ITGB4: variants seen among roughly 807,000 people sequenced by gnomAD.
The protein encoded by ITGB4 is integrin beta-4.
Under a neutral mutation model 207.6 loss-of-function variants are expected in ITGB4, and 159 were observed. That is an observed-to-expected ratio of 0.77 (90% CI 0.67 to 0.87). The LOEUF is 0.87. ITGB4 is among the 40% of genes least tolerant of loss of function. The pLI is 0.00. For missense variants in ITGB4, 2,278 were observed against 2,546.8 expected (o/e 0.89, Z 2.27); for synonymous variants, 1,020 against 1,062.7 (o/e 0.96, Z 0.78).
rs1426446304 is a variant in ITGB4, at chr17:75,752,997, C to CCAGCA, written c.4108+423_4108+427dup. ...CAGCTCTGTCCTTCCTCCTTGATTC[C>CCAGCA]CAGCACAAAGTGCTGCGGAGCCCTT... On this transcript the variant is annotated intron_variant, in intron 32 of 39. Coordinates refer to ENST00000200181, the MANE Select transcript of ITGB4 (RefSeq NM_000213.5). 3.3e-5 allele frequency among the ~76,000 whole-genome samples: 5 copies of CCAGCA among 152,334 alleles called. No individual in the cohort carries two copies. In the East Asian group the frequency reaches 9.6e-4, roughly 29 times the overall value.
chr17:75,727,228 G>T lies in ITGB4; in HGVS notation c.113G>T (p.Cys38Phe), dbSNP rs752230205. 2 of 1,614,068 alleles carry T rather than the reference G, an allele frequency of 1.2e-6. No homozygotes were observed. The highest frequency in any genetic ancestry group is 2.2e-5 in the East Asian group (1 of 44,876). The change falls in exon 3 of 40, where the codon TGC (cysteine) becomes TTC (phenylalanine). Residue 38 changes from cysteine to phenylalanine, a missense_variant. Physicochemically the swap from Cys to Phe is radical, Grantham distance 205. Transcript: ENST00000200181. This position sits in a 1 kb window ranked among gnomAD's most constrained non-coding sequence, Gnocchi z 6.0. ...NRCKKAPVKS[C>F]TECVRVDKDC... ...TGCAAGAAGGCCCCAGTGAAGAGCT[G>T]CACGGAGTGTGTCCGTGTGGATAAG...
In ITGB4 at chr17:75,722,103, G is replaced by A. The variant is rs1250024617; in HGVS notation, c.-11+491G>A. Among the ~76,000 whole-genome samples, 1 of 152,220 alleles carries A rather than the reference G, an allele frequency of 6.6e-6. No individual in the cohort carries two copies. The highest frequency in any genetic ancestry group is 1.5e-5 in the Non-Finnish European group (1 of 68,040). On this transcript the variant is annotated intron_variant, in intron 1 of 39. Coordinates refer to ENST00000200181, the MANE Select transcript of ITGB4 (RefSeq NM_000213.5). This position sits in a 1 kb window ranked among gnomAD's most constrained non-coding sequence, Gnocchi z 6.2. ...GCTCCAGGCAGGGCTTGCTCTATGC[G>A]GTGCCACAGTCCATCTGGGGCTGGG...
chr17:75,740,766 G>C lies in ITGB4; in HGVS notation c.2551-27G>C, dbSNP rs370638196. ...CTTGCCACGGGGTGGCCTAGGCCCA[G>C]CCTCACGCCCCTCCCTTGCCTGGCA... On this transcript the variant is annotated intron_variant, in intron 21 of 39. Transcript: ENST00000200181. This position sits in a 1 kb window ranked among gnomAD's most constrained non-coding sequence, Gnocchi z 5.9. 4 of 1,611,906 alleles carry C rather than the reference G, an allele frequency of 2.5e-6. No individual in the cohort carries two copies. The African/African-American group carries it at 4.0e-5, about 16-fold the overall frequency.
chr17:75,723,074 C>T (rs1352636148), intron 1 of ITGB4, among the ~76,000 whole-genome samples: 1 of 152,232 alleles, frequency 6.6e-6, no homozygotes, highest in Admixed American at 6.5e-5. Context: ...GCCTCGCCAA[C>T]CCTCTAACTG....
At position 75,750,072 on chromosome 17, in the gene ITGB4, G is replaced by A; in HGVS notation, c.3317-39G>A. ...TCTGGCGCCCCCTGGTGGTGAAGGG[G>A]GATCTGAGTGGTTGCCCGGCCCCAA... is the stretch of plus-strand genomic sequence containing the variant. On this transcript the variant is annotated intron_variant, in intron 27 of 39. Coordinates refer to ENST00000200181, the MANE Select transcript of ITGB4 (RefSeq NM_000213.5). This position sits in a 1 kb window ranked among gnomAD's most constrained non-coding sequence, Gnocchi z 5.5. The A allele has an allele frequency of 6.2e-7, 1 of 1,613,042 alleles. No individual in the cohort carries two copies. The highest frequency in any genetic ancestry group is 8.5e-7 in the Non-Finnish European group (1 of 1,179,802).
intron 34 of ITGB4, 122 bp downstream of exon 34, chr17:75,754,937 C>T (rs2061455566): frequency 6.7e-7 from 1 of 1,495,886 alleles, no homozygotes; most frequent in Non-Finnish European, 9.2e-7. Flanking sequence ...CACGCATGCA[C>T]ACATGCACGC....
intron 30 of ITGB4, chr17:75,751,604 G>C (rs777762948): frequency 8.6e-6 from 2 of 232,286 alleles, no homozygotes; most frequent in Non-Finnish European, 1.7e-5. Context: ...AGACAGGCAT[G>C]GTGGCTCATG....
chr17:75,740,713 C>T lies in ITGB4; in HGVS notation c.2551-80C>T. On this transcript the variant is annotated intron_variant, in intron 21 of 39. Transcript: ENST00000200181. This position sits in a 1 kb window ranked among gnomAD's most constrained non-coding sequence, Gnocchi z 5.9. ...GAGGATCTCTGGGTACAGAGGCTGC[C>T]TGGCTCCCTGGGTCCCCAGCCTGAG... The T allele has an allele frequency of 6.7e-7, 1 of 1,497,984 alleles. No individual in the cohort carries two copies. Among genetic ancestry groups the T allele is most frequent in the African/African-American group, 1.4e-5 (1 of 72,732 alleles). 92.8% of individuals were successfully genotyped at this position (1,497,984 alleles called of 1,614,324 possible).
In ITGB4 at chr17:75,739,722, G is replaced by T; in HGVS notation, c.2254+17G>T. The T allele has an allele frequency of 1.2e-6, 2 of 1,613,974 alleles. No individual in the cohort carries two copies. The highest frequency in any genetic ancestry group is 1.7e-6 in the Non-Finnish European group (2 of 1,179,932). On this transcript the variant is annotated intron_variant, in intron 19 of 39. Transcript: ENST00000200181. This position sits in a 1 kb window ranked among gnomAD's most constrained non-coding sequence, Gnocchi z 5.4. The stretch of plus-strand genomic sequence containing the variant: ...GCAACCGAGGTATGGGCCTGGCATC[G>T]CAGGGGCAGCAGGGGCTCTGACTGC...
At position 75,732,145 on chromosome 17, in the gene ITGB4, T is replaced by G. The variant is rs373717293; in HGVS notation, c.1378-18T>G. The stretch of plus-strand genomic sequence containing the variant: ...CCTGCTCCCCCGACGCACCCCACCA[T>G]GGTCTCTCTCATTCCAGCAAAAAGA... On this transcript the variant is annotated intron_variant, in intron 11 of 39. Coordinates refer to ENST00000200181, the MANE Select transcript of ITGB4 (RefSeq NM_000213.5). The surrounding 1 kb of genome is among the most constrained non-coding windows in gnomAD (Gnocchi z 5.3). 1.2e-6 allele frequency: 2 copies of G among 1,613,862 alleles called. No homozygotes were observed. The highest frequency in any genetic ancestry group is 1.7e-6 in the Non-Finnish European group (2 of 1,179,864).
rs763129009 is a variant in ITGB4, at chr17:75,727,691, C to G, written c.305C>G (p.Ser102Cys). 3 of 1,611,514 alleles carry G rather than the reference C, an allele frequency of 1.9e-6. No individual in the cohort carries two copies. Residue 102 changes from serine (S) to cysteine (C), a missense_variant, in exon 5 of 40, where the codon TCC becomes TGC. Physicochemically the swap from Ser to Cys is moderately radical, Grantham distance 112 (BLOSUM62 -1). Coordinates refer to ENST00000200181, the MANE Select transcript of ITGB4 (RefSeq NM_000213.5). This position sits in a 1 kb window ranked among gnomAD's most constrained non-coding sequence, Gnocchi z 6.0. ...ACCACCCTGCGGCGCAGCCAGATGT[C>G]CCCCCAAGGCCTGCGGGTCCGTCTG... is the stretch of plus-strand genomic sequence containing the variant. ...IDTTLRRSQMSPQGLRVRLRP... is the reference protein window; with the variant it reads ...IDTTLRRSQMCPQGLRVRLRP...
chr17:75,730,572 C>T, intron 8 of ITGB4, 68 bp downstream of exon 8: 1 of 1,484,278 alleles, frequency 6.7e-7, no homozygotes, highest in South Asian at 1.2e-5. Context: ...TCTCAGACAC[C>T]TCTCCCTCCC....
Position 75,731,455 on chromosome 17 carries a change from G to T in ITGB4, c.1215+87G>T. On this transcript the variant is annotated intron_variant, in intron 10 of 39. Coordinates refer to ENST00000200181, the MANE Select transcript of ITGB4 (RefSeq NM_000213.5). The surrounding 1 kb of genome is among the most constrained non-coding windows in gnomAD (Gnocchi z 6.8). ...CGTTTAAAACAGCGGTCAAGAGCGT[G>T]GCCCCTGGAGTCAGGCAGGCCTGGG... 7.3e-7 allele frequency: 1 copy of T among 1,377,178 alleles called. No individual in the cohort carries two copies. The highest frequency in any genetic ancestry group is 1.3e-5 in the South Asian group (1 of 78,506). The allele number at this position is 1,377,178 out of a possible 1,614,324, so 85.3% of individuals were successfully genotyped here. A position where few individuals can be genotyped will look rare whatever the true frequency, so the allele number is the denominator to read the frequency against.
intron 2 of ITGB4, among the ~76,000 whole-genome samples, chr17:75,725,266 C>T (rs575345817): frequency 5.3e-5 from 8 of 152,260 alleles, no homozygotes; most frequent in Non-Finnish European, 7.4e-5. Flanking sequence ...AATTGGCAAA[C>T]GCTACACGTC....
At position 75,740,187 on chromosome 17, in the gene ITGB4, C is replaced by A. The variant is rs1001194476; in HGVS notation, c.2446+116C>A. 13 of 1,272,298 alleles carry A rather than the reference C, an allele frequency of 1.0e-5. No individual in the cohort carries two copies. The highest frequency in any genetic ancestry group is 4.0e-5 in the South Asian group (3 of 74,208). The allele number at this position is 1,272,298 out of a possible 1,614,324, so 78.8% of individuals were successfully genotyped here. ...TGTGGGGTGCAGGCACAGGGCTCAG[C>A]CACCTTTTGCCCTGTGCTGATGGTG... On this transcript the variant is annotated intron_variant, in intron 20 of 39. Transcript: ENST00000200181. This position sits in a 1 kb window ranked among gnomAD's most constrained non-coding sequence, Gnocchi z 5.9.
At position 75,749,063 on chromosome 17, in the gene ITGB4, G is replaced by T. The variant is rs1033228522; in HGVS notation, c.3316+18G>T. ...GGACCCAGGTAGGCAGAGCCTGGGGGTCGGCTTAAGCAGGAGGAGAGGGAA... is the reference window on the plus strand; with the variant it reads ...GGACCCAGGTAGGCAGAGCCTGGGGTTCGGCTTAAGCAGGAGGAGAGGGAA... On this transcript the variant is annotated intron_variant, in intron 27 of 39. Coordinates refer to ENST00000200181, the MANE Select transcript of ITGB4 (RefSeq NM_000213.5). 5 of 1,599,254 alleles carry T rather than the reference G, an allele frequency of 3.1e-6. No individual in the cohort carries two copies. The South Asian group carries it at 3.3e-5, about 11-fold the overall frequency.
chr17:75,736,442 G>A (rs934478363), intron 15 of ITGB4, 56 bp downstream of exon 15: 1 of 1,609,018 alleles, frequency 6.2e-7, no homozygotes, highest in Admixed American at 1.7e-5. Context: ...ACAGGGCAGT[G>A]TGGGCAGGAG....
chr17:75,752,241 C>A lies in ITGB4; in HGVS notation c.3861C>A (p.Asn1287Lys), dbSNP rs145351926. The change falls in exon 31 of 40, where the codon AAC becomes AAA. Residue 1287 changes from asparagine (N) to lysine (K), a missense_variant. By Grantham distance (94) the Asn-to-Lys change is moderately conservative. Coordinates refer to ENST00000200181, the MANE Select transcript of ITGB4 (RefSeq NM_000213.5). Reference sequence around the variant, plus strand: ...AGAACCGGATGCTGCTTATTGAGAACCTTCGGGAGTCCCAGCCCTACCGCT... The same window carrying A: ...AGAACCGGATGCTGCTTATTGAGAAACTTCGGGAGTCCCAGCCCTACCGCT... ...NPKNRMLLIE[N>K]LRESQPYRYT... is the part of the protein sequence containing the mutation. 50 of 1,613,714 alleles carry A rather than the reference C, an allele frequency of 3.1e-5. No individual in the cohort carries two copies. Among genetic ancestry groups the A allele is most frequent in the South Asian group, 5.5e-5 (5 of 91,092 alleles).
In ITGB4 at chr17:75,742,612, G is replaced by T; in HGVS notation, c.2813G>T (p.Gly938Val). The T allele has an allele frequency of 6.2e-7, 1 of 1,614,016 alleles. No individual in the cohort carries two copies. The highest frequency in any genetic ancestry group is 2.2e-5 in the East Asian group (1 of 44,868). Reference sequence around the variant, plus strand: ...CGGGGCATGGTGGAGTTCCAGGAGGGCGTGGAGCTGGTGGACGTACGGGTG... The same window carrying T: ...CGGGGCATGGTGGAGTTCCAGGAGGTCGTGGAGCTGGTGGACGTACGGGTG... ...DARGMVEFQE[G>V]VELVDVRVPL... The change falls in exon 25 of 40, where the codon GGC (glycine) becomes GTC (valine). Residue 938 changes from glycine to valine, a missense_variant. Coordinates refer to ENST00000200181, the MANE Select transcript of ITGB4 (RefSeq NM_000213.5). The surrounding 1 kb of genome is among the most constrained non-coding windows in gnomAD (Gnocchi z 5.9).
Sources: allele counts gnomAD v4.1 joint callset (sites outside exome capture counted in the v4.1 genomes callset), GRCh38; gene constraint gnomAD v4.1.1; non-coding constraint Gnocchi (gnomAD v3.1); transcripts MANE v1.5; gene names NCBI Gene and HGNC (gene_info 2026-07-23, HGNC 2026-07-21).